The following KCNN2 variants were observed in gnomAD, a reference collection of about 807,000 sequenced individuals.
KCNN2 encodes the protein potassium calcium-activated channel subfamily N member 2.
In KCNN2, 24 loss-of-function variants were observed where a neutral mutation model predicts 55.5. That is an observed-to-expected ratio of 0.43 (90% CI 0.31 to 0.61). The LOEUF (loss-of-function observed/expected upper bound fraction) is 0.61. KCNN2 is among the 20% of genes least tolerant of loss of function. KCNN2 has a pLI of 0.08. For missense variants in KCNN2, 754 were observed against 853.6 expected (o/e 0.88, Z 1.45); for synonymous variants, 431 against 336.1 (o/e 1.28, Z -3.09).
chr5:114,451,711 A>G (rs1760688842), intron 3 of KCNN2, among the ~76,000 whole-genome samples: 1 of 152,098 alleles, frequency 6.6e-6, no homozygotes, highest in Non-Finnish European at 1.5e-5. Flanking sequence ...CCTGCCTAAC[A>G]TGGTGAAACC....
chr5:114,358,421 T>C (rs571709587), upstream of KCNN2, among the ~76,000 whole-genome samples: 31 of 152,154 alleles, frequency 2.0e-4, no homozygotes, highest in Admixed American at 1.8e-3. Context: ...TCAACAAACA[T>C]GGGAAAGCAA....
At chr5:114,460,858 G>A (rs1222242706) in intron 3 of KCNN2, among the ~76,000 whole-genome samples, 1 of 152,164 alleles carries the variant, frequency 6.6e-6, no homozygotes, top group Non-Finnish European at 1.5e-5. Context: ...TATCACATCA[G>A]TGTATGAATT....
chr5:114,088,744 C>T (rs1338292915), intron 1 of KCNN2, among the ~76,000 whole-genome samples: 2 of 152,078 alleles, frequency 1.3e-5, no homozygotes, highest in East Asian at 3.8e-4. Flanking sequence ...CTCAGCCTCC[C>T]AAGTAGCTGA....
intron 2 of KCNN2, among the ~76,000 whole-genome samples, chr5:114,251,874 C>A (rs1425590958): frequency 7.0e-6 from 1 of 142,432 alleles, no homozygotes; most frequent in Admixed American, 7.2e-5. Context: ...TTTTCTTTTT[C>A]TTTTTCTTTT....
intron 1 of KCNN2, among the ~76,000 whole-genome samples, chr5:114,059,641 T>C (rs1750285169): frequency 1.3e-5 from 2 of 152,188 alleles, no homozygotes; most frequent in Admixed American, 6.5e-5. Context: ...GTCTGAAGGC[T>C]GAGGCTGTGT....
intron 3 of KCNN2, among the ~76,000 whole-genome samples, chr5:114,460,912 A>AAAT (rs1301797227): frequency 6.6e-6 from 1 of 152,188 alleles, no homozygotes; most frequent in African/African-American, 2.4e-5. Flanking sequence ...ACTGAATAGG[A>AAAT]AATGAACTCT....
intron 1 of KCNN2, among the ~76,000 whole-genome samples, chr5:114,155,050 T>C (rs1752601650): frequency 6.6e-6 from 1 of 151,996 alleles, no homozygotes; most frequent in Admixed American, 6.6e-5. Flanking sequence ...CTCTCCACCC[T>C]CAAATAGGCC....
chr5:114,087,090 G>T (rs537057313), intron 1 of KCNN2, among the ~76,000 whole-genome samples: 2 of 151,910 alleles, frequency 1.3e-5, no homozygotes, highest in African/African-American at 4.8e-5. Context: ...TTTGAGAAGT[G>T]CCTGTCCCTT....
chr5:114,250,040 A>G (rs760533172), intron 2 of KCNN2, among the ~76,000 whole-genome samples: 1 of 152,178 alleles, frequency 6.6e-6, no homozygotes, highest in African/African-American at 2.4e-5. Context: ...CCATTGTGCT[A>G]TATAAACAAA....
At chr5:114,357,385 G>A (rs1454240321), upstream of KCNN2, among the ~76,000 whole-genome samples, 23 of 140,834 alleles carry the variant, frequency 1.6e-4, no homozygotes, top group Admixed American at 1.4e-3. Context: ...TGCCATGCTG[G>A]TGCGCTGCAC....
At position 114,460,435 on chromosome 5, in the gene KCNN2, G is replaced by C. The variant is rs117743419; in HGVS notation, c.1638-2614G>C. On this transcript the variant is annotated intron_variant, in intron 3 of 7. Coordinates refer to ENST00000673685, the MANE Select transcript of KCNN2 (RefSeq NM_021614.4). The stretch of plus-strand genomic sequence containing the variant: ...CTTTTGCATTTTTAGTAGAGATGGG[G>C]TTTCACTGTGTTGGCCCAAGCTGGT... 1.4e-3 allele frequency among the ~76,000 whole-genome samples: 217 copies of C among 152,200 alleles called. 2 individuals are homozygous for C. The East Asian group carries it at 0.04, about 28-fold the overall frequency.
intron 5 of KCNN2, among the ~76,000 whole-genome samples, chr5:114,485,438 A>G (rs1291628690): frequency 6.6e-6 from 1 of 152,198 alleles, no homozygotes; most frequent in African/African-American, 2.4e-5. Context: ...CAAGGTCCTC[A>G]AATAACAACT....
intron 2 of KCNN2, among the ~76,000 whole-genome samples, chr5:114,324,174 C>T (rs1277091333): frequency 2.6e-5 from 4 of 152,106 alleles, no homozygotes; most frequent in Non-Finnish European, 4.4e-5. Flanking sequence ...ATTCTTCATA[C>T]GTTGTACCAA....
intron 1 of KCNN2, among the ~76,000 whole-genome samples, chr5:114,104,575 C>G (rs1310731686): frequency 6.6e-6 from 1 of 152,000 alleles, no homozygotes; most frequent in Non-Finnish European, 1.5e-5. Flanking sequence ...TTGCAATACC[C>G]TGGTTCCTGG....
chr5:114,226,935 G>C (rs890621983), intron 2 of KCNN2, among the ~76,000 whole-genome samples: 7 of 150,868 alleles, frequency 4.6e-5, no homozygotes, highest in Non-Finnish European at 7.4e-5. Context: ...ATATTGATAG[G>C]TCAAATAACA....
At chr5:114,426,316 C>T (rs1188989467) in intron 3 of KCNN2, among the ~76,000 whole-genome samples, 2 of 152,266 alleles carry the variant, frequency 1.3e-5, no homozygotes, top group East Asian at 3.9e-4. Context: ...GATGTTAATC[C>T]AAGCTTGCAT....
intron 2 of KCNN2, among the ~76,000 whole-genome samples, chr5:114,311,617 C>T (rs965448629): frequency 2.6e-5 from 4 of 152,046 alleles, no homozygotes; most frequent in African/African-American, 9.7e-5. Context: ...TTTTCAGTTG[C>T]TTTGGTTTTA....
chr5:114,252,932 G>T (rs1360427005), intron 2 of KCNN2, among the ~76,000 whole-genome samples: 1 of 152,038 alleles, frequency 6.6e-6, no homozygotes. Context: ...ATTTCAACAA[G>T]CAGCTTTGCT....
intron 1 of KCNN2, among the ~76,000 whole-genome samples, chr5:114,094,528 T>C (rs1287517751): frequency 6.6e-5 from 10 of 152,212 alleles, no homozygotes; most frequent in Non-Finnish European, 1.3e-4. Flanking sequence ...TGGCAGATAA[T>C]TGGGCTTAGG....
Sources: allele counts gnomAD v4.1 joint callset (sites outside exome capture counted in the v4.1 genomes callset), GRCh38; gene constraint gnomAD v4.1.1; transcripts MANE v1.5; gene names NCBI Gene and HGNC (gene_info 2026-07-23, HGNC 2026-07-21).